The following KHDRBS2 variants were observed in gnomAD, a reference collection of about 807,000 sequenced individuals.
The protein encoded by KHDRBS2 is KH domain-containing, RNA-binding, signal transduction-associated protein 2.
Under a neutral mutation model 44.3 loss-of-function variants are expected in KHDRBS2, and 26 were observed. That is an observed-to-expected ratio of 0.59 (90% CI 0.43 to 0.81). KHDRBS2 has a LOEUF of 0.81. Among genes scored for constraint, KHDRBS2 ranks in the 40% least tolerant of loss-of-function variants. KHDRBS2 has a pLI of 0.00. For missense variants in KHDRBS2, 476 were observed against 433.1 expected, an observed-to-expected ratio of 1.10 and a Z score of -0.88; for synonymous variants, 194 against 151.1, an observed-to-expected ratio of 1.28 and a Z score of -2.08.
chr6:61,996,688 T>G (rs2127254596), intron 3 of KHDRBS2, among the ~76,000 whole-genome samples: 1 of 152,320 alleles, frequency 6.6e-6, no homozygotes, highest in South Asian at 2.1e-4. Context: ...TACTTTAACC[T>G]ATTGCTCTTT....
chr6:62,061,934 T>C (rs567778930), intron 2 of KHDRBS2, among the ~76,000 whole-genome samples: 42 of 151,960 alleles, frequency 2.8e-4, no homozygotes, highest in Admixed American at 1.2e-3. Flanking sequence ...TCATCTTCCA[T>C]CGCTGATACC....
At chr6:61,864,201 A>G (rs1225518810) in intron 6 of KHDRBS2, among the ~76,000 whole-genome samples, 2 of 152,314 alleles carry the variant, frequency 1.3e-5, no homozygotes, top group South Asian at 2.1e-4. Flanking sequence ...TGAAGACAGC[A>G]TACTGACAGG....
At chr6:61,608,659 A>C in the KHDRBS2 span, among the ~76,000 whole-genome samples, 1 of 150,268 alleles carries the variant, frequency 6.7e-6, no homozygotes, top group Non-Finnish European at 1.5e-5. Flanking sequence ...TCATTGTTCA[A>C]CTCCCACTTA....
chr6:61,735,693 A>T (rs1775215240), intron 6 of KHDRBS2, among the ~76,000 whole-genome samples: 1 of 152,082 alleles, frequency 6.6e-6, no homozygotes, highest in African/African-American at 2.4e-5. Flanking sequence ...TTACATTCAG[A>T]TTTAATATTT....
intron 7 of KHDRBS2, among the ~76,000 whole-genome samples, chr6:61,722,446 G>A (rs989936055): frequency 3.9e-5 from 6 of 151,992 alleles, no homozygotes; most frequent in Non-Finnish European, 5.9e-5. Context: ...TCTCTACTGA[G>A]GATGATATAA....
At chr6:62,034,359 T>A (rs9351631) in intron 3 of KHDRBS2, among the ~76,000 whole-genome samples, 1 of 151,650 alleles carries the variant, frequency 6.6e-6, no homozygotes. Flanking sequence ...AAACCAAAGA[T>A]GCACCAAAAG....
chr6:61,982,086 T>G (rs1233496120), intron 3 of KHDRBS2, among the ~76,000 whole-genome samples: 1 of 152,180 alleles, frequency 6.6e-6, no homozygotes, highest in Non-Finnish European at 1.5e-5. Context: ...CATTCATAGG[T>G]AGTTACTATT....
At chr6:61,686,916 A>T (rs1766878348) in intron 8 of KHDRBS2, among the ~76,000 whole-genome samples, 1 of 151,552 alleles carries the variant, frequency 6.6e-6, no homozygotes, top group Non-Finnish European at 1.5e-5. Context: ...AATGAGATTT[A>T]CTGTAGTTTT....
chr6:61,948,506 C>T (rs1219816235), intron 4 of KHDRBS2, among the ~76,000 whole-genome samples: 4 of 151,852 alleles, frequency 2.6e-5, no homozygotes, highest in African/African-American at 9.7e-5. Flanking sequence ...TTTGGCATAT[C>T]CAACCATCTA....
chr6:62,021,890 G>A (rs192102469), intron 3 of KHDRBS2, among the ~76,000 whole-genome samples: 8 of 150,258 alleles, frequency 5.3e-5, no homozygotes, highest in Admixed American at 4.7e-4. Flanking sequence ...AAGAGACTAC[G>A]GGTAAATATG....
chr6:61,556,674 G>T, the KHDRBS2 span, among the ~76,000 whole-genome samples: 2 of 151,908 alleles, frequency 1.3e-5, no homozygotes, highest in Non-Finnish European at 2.9e-5. Flanking sequence ...AACCAAAAAA[G>T]AACCTAATTC....
the KHDRBS2 span, among the ~76,000 whole-genome samples, chr6:61,606,219 C>A: frequency 6.6e-6 from 1 of 152,152 alleles, no homozygotes; most frequent in Non-Finnish European, 1.5e-5. Context: ...GATTAAAAAG[C>A]TTTATTGCTC....
intron 1 of KHDRBS2, among the ~76,000 whole-genome samples, chr6:62,264,562 C>T (rs565554161): frequency 5.1e-4 from 77 of 151,730 alleles, no homozygotes; most frequent in Non-Finnish European, 9.4e-4. Context: ...TTTATCCTTT[C>T]TTATCCCAAC....
intron 2 of KHDRBS2, among the ~76,000 whole-genome samples, chr6:62,059,554 C>A (rs1275630075): frequency 1.3e-5 from 2 of 151,510 alleles, no homozygotes; most frequent in Admixed American, 1.3e-4. Context: ...AAAATAAATT[C>A]TAATCACAGA....
intron 6 of KHDRBS2, among the ~76,000 whole-genome samples, chr6:61,808,465 T>G (rs1361407978): frequency 6.6e-6 from 1 of 152,142 alleles, no homozygotes; most frequent in Admixed American, 6.6e-5. Flanking sequence ...TCAGTGTAAT[T>G]ACAATGAAAC....
chr6:61,663,716 A>G, the KHDRBS2 span, among the ~76,000 whole-genome samples: 1 of 150,866 alleles, frequency 6.6e-6, no homozygotes, highest in Admixed American at 6.6e-5. Context: ...TTAACTGAAA[A>G]CAAACAGTTA....
At chr6:62,097,794 C>T (rs1484253771) in intron 2 of KHDRBS2, among the ~76,000 whole-genome samples, 1 of 152,038 alleles carries the variant, frequency 6.6e-6, no homozygotes, top group Non-Finnish European at 1.5e-5. Context: ...GTATTGCACA[C>T]GTTTATATGC....
At chr6:62,001,758 T>C (rs184497024) in intron 3 of KHDRBS2, among the ~76,000 whole-genome samples, 1 of 152,128 alleles carries the variant, frequency 6.6e-6, no homozygotes, top group African/African-American at 2.4e-5. Flanking sequence ...TAATGATACA[T>C]ACAGAAGTTG....
intron 3 of KHDRBS2, among the ~76,000 whole-genome samples, chr6:61,997,984 C>T (rs892412112): frequency 3.3e-5 from 5 of 152,084 alleles, no homozygotes; most frequent in African/African-American, 4.8e-5. Flanking sequence ...AATTAACCGG[C>T]CTGGTTTACT....
Sources: gnomAD v4.1 joint callset for allele counts (sites outside exome capture counted in the v4.1 genomes callset) on GRCh38, gnomAD v4.1.1 for gene constraint, MANE v1.5 for transcripts, NCBI Gene and HGNC (gene_info 2026-07-23, HGNC 2026-07-21) for gene names.